Variants in VAV3 observed in about 807,000 individuals in gnomAD.
The protein encoded by VAV3 is vav guanine nucleotide exchange factor 3.
In VAV3, 94 loss-of-function variants were observed where a neutral mutation model predicts 131.2. The ratio of observed to expected loss-of-function variants is 0.72; its 90% CI spans 0.61 to 0.85. VAV3 has a LOEUF of 0.85. Among genes scored for constraint, VAV3 ranks in the 40% least tolerant of loss-of-function variants. The pLI is 0.00. For missense variants in VAV3, 939 were observed against 1,002.7 expected (o/e 0.94, Z 0.86); for synonymous variants, 349 against 342.0 (o/e 1.02, Z -0.22).
intron 25 of VAV3, among the ~76,000 whole-genome samples, chr1:107,594,115 A>G (rs1446901652): frequency 6.6e-6 from 1 of 152,050 alleles, no homozygotes; most frequent in Non-Finnish European, 1.5e-5. Flanking sequence ...CTAATCTTGG[A>G]GTGTTAACCA....
chr1:107,587,520 C>CTA (rs779753283), intron 25 of VAV3, among the ~76,000 whole-genome samples: 31 of 152,126 alleles, frequency 2.0e-4, no homozygotes, highest in Admixed American at 1.1e-3. Flanking sequence ...TATGAAAGCA[C>CTA]TATGGTAAAT....
intron 21 of VAV3, among the ~76,000 whole-genome samples, chr1:107,611,846 C>A (rs1444258990): frequency 6.6e-6 from 1 of 152,136 alleles, no homozygotes; most frequent in Non-Finnish European, 1.5e-5. Context: ...ACCTTCCCAG[C>A]CATGATCCAT....
chr1:107,749,404 T>A lies in VAV3; in HGVS notation c.1392+58A>T, dbSNP rs1353043873. The stretch of plus-strand genomic sequence containing the variant: ...ATCTCACATTAATGTATTATCATAC[T>A]TTTCCTTAATGTTCAAGATTATAAG... On this transcript the variant is annotated intron_variant, in intron 14 of 26. Transcript: ENST00000370056. The A allele has an allele frequency of 3.4e-5, 51 of 1,512,702 alleles. 1 individual carries two copies. The highest frequency in any genetic ancestry group is 9.1e-5 in the East Asian group (4 of 43,976). The allele number at this position is 1,512,702 out of a possible 1,614,324, so 93.7% of individuals were successfully genotyped here.
intron 24 of VAV3, among the ~76,000 whole-genome samples, chr1:107,600,947 G>A (rs1167868364): frequency 6.6e-6 from 1 of 152,192 alleles, no homozygotes; most frequent in African/African-American, 2.4e-5. Context: ...AAGTCCCATA[G>A]TAACTATAAC....
At position 107,874,929 on chromosome 1, in the gene VAV3, T is replaced by A. The variant is rs1405207669; in HGVS notation, c.293A>T (p.Asp98Val). ...MRKSELFEAFDLFDVRDFGKV... is the reference protein window; with the variant it reads ...MRKSELFEAFVLFDVRDFGKV... Reference sequence around the variant, plus strand: ...TCCAAAGTCACGAACATCAAACAAGTCAAATGCCTCGAAAAGTTCACTTTT... The same window carrying A: ...TCCAAAGTCACGAACATCAAACAAGACAAATGCCTCGAAAAGTTCACTTTT... Residue 98 changes from aspartate (D) to valine (V), a missense_variant, in exon 2 of 27, where the codon GAC (aspartate) becomes GTC (valine). Physicochemically the swap from Asp to Val is radical, Grantham distance 152 (BLOSUM62 -3). Coordinates refer to ENST00000370056, the MANE Select transcript of VAV3 (RefSeq NM_006113.5). 1 of 1,613,300 alleles carries A rather than the reference T, an allele frequency of 6.2e-7. No homozygotes were observed. Among genetic ancestry groups the A allele is most frequent in the East Asian group, 2.2e-5 (1 of 44,826 alleles).
At chr1:107,616,237 C>G (rs977406566) in intron 21 of VAV3, among the ~76,000 whole-genome samples, 1 of 152,126 alleles carries the variant, frequency 6.6e-6, no homozygotes, top group East Asian at 1.9e-4. Context: ...TACATATACA[C>G]CATGGAATAC....
chr1:107,951,929 A>C (rs1161774079), intron 1 of VAV3, among the ~76,000 whole-genome samples: 1 of 152,150 alleles, frequency 6.6e-6, no homozygotes, highest in African/African-American at 2.4e-5. Context: ...TCAAAGACCT[A>C]AAGACAGAAA....
chr1:107,839,642 T>C (rs918657370), intron 2 of VAV3, among the ~76,000 whole-genome samples: 1 of 152,008 alleles, frequency 6.6e-6, no homozygotes, highest in Non-Finnish European at 1.5e-5. Context: ...AACTTAAGCT[T>C]AGAGCAGACA....
chr1:107,804,236 C>T (rs1666957542), intron 2 of VAV3, among the ~76,000 whole-genome samples: 1 of 152,062 alleles, frequency 6.6e-6, no homozygotes, highest in Non-Finnish European at 1.5e-5. Context: ...TCTGTTTATA[C>T]TCAGTGCTAT....
chr1:107,697,639 T>A (rs1165584971), intron 17 of VAV3, among the ~76,000 whole-genome samples: 1 of 152,188 alleles, frequency 6.6e-6, no homozygotes, highest in African/African-American at 2.4e-5. Context: ...ACAGTATTAT[T>A]CTTAGTTATC....
At chr1:107,687,062 C>CT (rs1659080624) in intron 18 of VAV3, among the ~76,000 whole-genome samples, 1 of 152,126 alleles carries the variant, frequency 6.6e-6, no homozygotes, top group African/African-American at 2.4e-5. Context: ...CTTGGCACTG[C>CT]TGGAAGAATC....
At chr1:107,693,177 GCTCCTGTATGTGTTGAT>G (rs1183923059) in intron 17 of VAV3, among the ~76,000 whole-genome samples, 1 of 152,128 alleles carries the variant, frequency 6.6e-6, no homozygotes, top group Non-Finnish European at 1.5e-5. Flanking sequence ...GCACTTCAGA[GCTCCTGTATGTGTTGAT>G]CATTGAGGTT....
At chr1:107,922,507 C>G (rs988410234) in intron 1 of VAV3, among the ~76,000 whole-genome samples, 2 of 152,068 alleles carry the variant, frequency 1.3e-5, no homozygotes, top group African/African-American at 4.8e-5. Flanking sequence ...AGTATACTAG[C>G]TGAGCTTTTT....
At chr1:107,728,079 G>A (rs901905304) in intron 15 of VAV3, among the ~76,000 whole-genome samples, 5 of 152,082 alleles carry the variant, frequency 3.3e-5, no homozygotes, top group East Asian at 1.9e-4. Context: ...TGTCAACAGC[G>A]AGCAGTACAT....
chr1:107,942,469 T>A (rs1674046208), intron 1 of VAV3, among the ~76,000 whole-genome samples: 2 of 152,288 alleles, frequency 1.3e-5, no homozygotes, highest in South Asian at 4.1e-4. Flanking sequence ...GGTAAAAAAA[T>A]TTCAGATCTT....
chr1:107,907,549 T>C (rs1446561618), intron 1 of VAV3, among the ~76,000 whole-genome samples: 2 of 152,214 alleles, frequency 1.3e-5, no homozygotes, highest in African/African-American at 4.8e-5. Context: ...AGGTCATGAA[T>C]GCTTTGCCTT....
intron 2 of VAV3, among the ~76,000 whole-genome samples, chr1:107,840,878 G>A (rs116608227): frequency 0.034 from 5,131 of 151,866 alleles, 181 homozygotes; most frequent in African/African-American, 0.09. Flanking sequence ...CTGGAAGGAA[G>A]TGAAAACTCT....
intron 15 of VAV3, among the ~76,000 whole-genome samples, chr1:107,713,961 G>C (rs141425027): frequency 1.0e-3 from 158 of 152,206 alleles, no homozygotes; most frequent in African/African-American, 3.5e-3. Flanking sequence ...TTTAACGTTT[G>C]TGCCGAATGT....
intron 18 of VAV3, among the ~76,000 whole-genome samples, chr1:107,686,163 A>G (rs1362787466): frequency 6.6e-6 from 1 of 152,034 alleles, no homozygotes; most frequent in Non-Finnish European, 1.5e-5. Flanking sequence ...CTAAATATGT[A>G]TGCAATGATA....
Sources: allele counts gnomAD v4.1 joint callset (sites outside exome capture counted in the v4.1 genomes callset), GRCh38; gene constraint gnomAD v4.1.1; transcripts MANE v1.5; gene names NCBI Gene and HGNC (gene_info 2026-07-23, HGNC 2026-07-21).